The following CNTNAP5 variants were observed in gnomAD, a reference collection of about 807,000 sequenced individuals.
The protein encoded by CNTNAP5 is contactin associated protein family member 5, also known as contactin-associated protein-like 5.
CNTNAP5 carries 72 observed loss-of-function variants against 150.2 expected under a neutral mutation model. The observed-to-expected ratio is 0.48, with a 90% CI of 0.40 to 0.58. CNTNAP5 has a LOEUF of 0.58. Among genes scored for constraint, CNTNAP5 ranks in the 20% least tolerant of loss-of-function variants. CNTNAP5 has a pLI of 0.00. For synonymous variants in CNTNAP5, 672 were observed against 619.8 expected (o/e 1.08, Z -1.25); for missense variants, 1,636 against 1,626.2 (o/e 1.01, Z -0.10).
At chr2:124,646,211 G>A (rs1312248583) in intron 12 of CNTNAP5, among the ~76,000 whole-genome samples, 2 of 152,146 alleles carry the variant, frequency 1.3e-5, no homozygotes, top group Non-Finnish European at 2.9e-5. Context: ...AAGATGAAAC[G>A]ACATGTCCCA....
At chr2:124,797,471 C>A (rs1428052917) in intron 18 of CNTNAP5, among the ~76,000 whole-genome samples, 1 of 152,170 alleles carries the variant, frequency 6.6e-6, no homozygotes, top group Non-Finnish European at 1.5e-5. Context: ...AACTGAGTAC[C>A]AATGCCTACA....
intron 3 of CNTNAP5, among the ~76,000 whole-genome samples, chr2:124,396,352 G>A (rs1184739610): frequency 2.0e-5 from 3 of 152,156 alleles, no homozygotes; most frequent in African/African-American, 7.2e-5. Flanking sequence ...TCGATATGGG[G>A]CATACAGACC....
At chr2:124,538,430 A>T (rs563245950) in intron 10 of CNTNAP5, among the ~76,000 whole-genome samples, 1 of 152,210 alleles carries the variant, frequency 6.6e-6, no homozygotes, top group East Asian at 1.9e-4. Flanking sequence ...GTGAGCAAAG[A>T]TCATGCCACT....
At chr2:124,566,728 T>TA (rs1347943574) in intron 11 of CNTNAP5, among the ~76,000 whole-genome samples, 2 of 152,154 alleles carry the variant, frequency 1.3e-5, no homozygotes, top group Non-Finnish European at 2.9e-5. Context: ...GTCCTCCCTC[T>TA]AACTAATTTC....
intron 19 of CNTNAP5, among the ~76,000 whole-genome samples, chr2:124,805,871 G>A (rs978683997): frequency 6.6e-6 from 1 of 152,182 alleles, no homozygotes; most frequent in Non-Finnish European, 1.5e-5. Context: ...GAGAGACAGA[G>A]GGGCTTTGCT....
At chr2:124,488,093 T>C (rs1693932061) in intron 7 of CNTNAP5, among the ~76,000 whole-genome samples, 1 of 152,136 alleles carries the variant, frequency 6.6e-6, no homozygotes, top group Non-Finnish European at 1.5e-5. Context: ...GAAAAAATAA[T>C]ACTTATAGAT....
chr2:124,479,883 A>G (rs1693727488), intron 7 of CNTNAP5, among the ~76,000 whole-genome samples: 1 of 152,164 alleles, frequency 6.6e-6, no homozygotes, highest in South Asian at 2.1e-4. Context: ...ACATAAAATG[A>G]GGGCAAATAT....
chr2:124,084,330 A>G (rs1215256347), intron 1 of CNTNAP5, among the ~76,000 whole-genome samples: 1 of 151,144 alleles, frequency 6.6e-6, no homozygotes, highest in East Asian at 1.9e-4. Flanking sequence ...GCAGTGGCTC[A>G]ATCTTGCCTC....
At chr2:124,822,419 T>C (rs908543146) in intron 19 of CNTNAP5, among the ~76,000 whole-genome samples, 2 of 152,208 alleles carry the variant, frequency 1.3e-5, no homozygotes, top group African/African-American at 4.8e-5. Context: ...AAAAACATAA[T>C]TACAGTCATA....
intron 13 of CNTNAP5, among the ~76,000 whole-genome samples, chr2:124,649,305 T>A (rs1166557607): frequency 6.6e-6 from 1 of 152,164 alleles, no homozygotes; most frequent in African/African-American, 2.4e-5. Flanking sequence ...GGTGCTGCCC[T>A]GCCAGAGTCA....
At chr2:124,657,970 A>G (rs1220142073) in intron 13 of CNTNAP5, among the ~76,000 whole-genome samples, 1 of 152,238 alleles carries the variant, frequency 6.6e-6, no homozygotes, top group Non-Finnish European at 1.5e-5. Flanking sequence ...TTTGTTCACT[A>G]TCTGCCTCTG....
chr2:124,592,130 A>T (rs1405727002), intron 11 of CNTNAP5, among the ~76,000 whole-genome samples: 28 of 152,164 alleles, frequency 1.8e-4, no homozygotes, highest in Admixed American at 1.8e-3. Flanking sequence ...ATTGATGAAC[A>T]CCGAGGATGA....
intron 7 of CNTNAP5, among the ~76,000 whole-genome samples, chr2:124,480,639 C>T (rs1460121818): frequency 6.6e-6 from 1 of 152,172 alleles, no homozygotes; most frequent in Admixed American, 6.5e-5. Flanking sequence ...CCTATAATCT[C>T]TTTAGCTTGT....
At chr2:124,106,690 T>G (rs1207735661) in intron 1 of CNTNAP5, among the ~76,000 whole-genome samples, 1 of 152,144 alleles carries the variant, frequency 6.6e-6, no homozygotes, top group Admixed American at 6.6e-5. Flanking sequence ...GTAAAGTGCT[T>G]ACTTGAGTTC....
chr2:124,622,982 G>T (rs72974503), intron 12 of CNTNAP5, among the ~76,000 whole-genome samples: 1 of 152,060 alleles, frequency 6.6e-6, no homozygotes, highest in Non-Finnish European at 1.5e-5. Flanking sequence ...ATAAGTGCAC[G>T]AATGAGGCTA....
At chr2:124,128,309 A>G (rs1683763164) in intron 1 of CNTNAP5, among the ~76,000 whole-genome samples, 1 of 152,218 alleles carries the variant, frequency 6.6e-6, no homozygotes, top group South Asian at 2.1e-4. Flanking sequence ...ACACACGAAA[A>G]AATGCTCATC....
intron 11 of CNTNAP5, among the ~76,000 whole-genome samples, chr2:124,579,256 C>T (rs1211908786): frequency 6.6e-6 from 1 of 152,160 alleles, no homozygotes; most frequent in Non-Finnish European, 1.5e-5. Context: ...AAATTCATTC[C>T]TCATGATAGG....
intron 3 of CNTNAP5, among the ~76,000 whole-genome samples, chr2:124,308,673 C>T (rs546146576): frequency 6.6e-6 from 1 of 152,252 alleles, no homozygotes; most frequent in South Asian, 2.1e-4. Context: ...GTAGATTTAT[C>T]TTCTAAATGA....
intron 19 of CNTNAP5, among the ~76,000 whole-genome samples, chr2:124,854,676 T>C (rs7602098): frequency 0.26 from 40,189 of 152,172 alleles, 8,026 homozygotes; most frequent in African/African-American, 0.56. Context: ...TCAACAAATG[T>C]CTTCTGGAGA....
Sources: gnomAD v4.1 joint callset for allele counts (sites outside exome capture counted in the v4.1 genomes callset) on GRCh38, gnomAD v4.1.1 for gene constraint, MANE v1.5 for transcripts, NCBI Gene and HGNC (gene_info 2026-07-23, HGNC 2026-07-21) for gene names.